Variants in GRM5 observed in about 807,000 individuals in gnomAD.
GRM5 encodes glutamate metabotropic receptor 5, also known as metabotropic glutamate receptor 5.
GRM5 carries 19 observed loss-of-function variants against 83.1 expected under a neutral mutation model. That is an observed-to-expected ratio of 0.23 (90% CI 0.16 to 0.34). The LOEUF is 0.34. Among genes scored for constraint, GRM5 ranks in the 10% least tolerant of loss-of-function variants. The probability of loss-of-function intolerance (pLI) is 1.00; values close to 1 mark genes in which losing one functional copy is unlikely to be tolerated. For missense variants in GRM5, 1,160 were observed against 1,588.3 expected (o/e 0.73, Z 4.58); for synonymous variants, 675 against 633.6 (o/e 1.07, Z -0.98).
chr11:88,861,266 C>T (rs1402960818), intron 2 of GRM5, among the ~76,000 whole-genome samples: 1 of 152,074 alleles, frequency 6.6e-6, no homozygotes, highest in African/African-American at 2.4e-5. Flanking sequence ...AGTCTCACTG[C>T]CTGCCTTTTC....
chr11:89,028,052 G>T (rs978010016), intron 2 of GRM5, among the ~76,000 whole-genome samples: 53 of 152,118 alleles, frequency 3.5e-4, no homozygotes, highest in African/African-American at 1.2e-3. Flanking sequence ...AGCATTCAAG[G>T]CACTATCTTA....
chr11:88,596,417 T>A (rs1565353432), intron 6 of GRM5, among the ~76,000 whole-genome samples: 1 of 152,190 alleles, frequency 6.6e-6, no homozygotes. Context: ...GACTCCAGTT[T>A]AATAAAAATT....
At chr11:88,748,868 T>C (rs1942200290) in intron 3 of GRM5, among the ~76,000 whole-genome samples, 1 of 152,060 alleles carries the variant, frequency 6.6e-6, no homozygotes, top group Non-Finnish European at 1.5e-5. Flanking sequence ...AGTGGCCTGA[T>C]TGTTAAAAAC....
At chr11:88,528,018 T>C (rs308899) in intron 8 of GRM5, among the ~76,000 whole-genome samples, 107,554 of 151,736 alleles carry the variant, frequency 0.71, 38,327 homozygotes, top group African/African-American at 0.78. Flanking sequence ...ATAATCTGCA[T>C]ATTATACCCC....
chr11:88,623,241 A>G (rs896182665), intron 4 of GRM5, among the ~76,000 whole-genome samples: 2 of 151,924 alleles, frequency 1.3e-5, no homozygotes, highest in Admixed American at 6.6e-5. Flanking sequence ...GCCCACCACC[A>G]TGCCCGGCTA....
chr11:88,922,395 A>G (rs756779243), intron 2 of GRM5, among the ~76,000 whole-genome samples: 2 of 152,200 alleles, frequency 1.3e-5, no homozygotes, highest in Non-Finnish European at 2.9e-5. Context: ...AGACCAATGT[A>G]ACAAAATAGA....
At chr11:88,543,990 C>T (rs1942334212) in intron 8 of GRM5, among the ~76,000 whole-genome samples, 2 of 152,056 alleles carry the variant, frequency 1.3e-5, no homozygotes, top group Admixed American at 1.3e-4. Flanking sequence ...ATGTTGTTAT[C>T]ATGGGAGTGG....
intron 3 of GRM5, among the ~76,000 whole-genome samples, chr11:88,739,142 A>G (rs371542859): frequency 1.3e-5 from 2 of 152,190 alleles, no homozygotes; most frequent in East Asian, 3.9e-4. Context: ...TATAAATCCT[A>G]TGTTTGCTTT....
chr11:88,946,632 C>T (rs979730909), intron 2 of GRM5, among the ~76,000 whole-genome samples: 7 of 152,002 alleles, frequency 4.6e-5, no homozygotes, highest in Non-Finnish European at 1.0e-4. Context: ...ACTGACATAA[C>T]GATGGCGATA....
At chr11:88,541,440 A>G (rs546984461) in intron 8 of GRM5, among the ~76,000 whole-genome samples, 1 of 152,340 alleles carries the variant, frequency 6.6e-6, no homozygotes, top group African/African-American at 2.4e-5. Flanking sequence ...ATAAATATAT[A>G]GACACAGATA....
At chr11:88,645,781 T>C (rs1346207381) in intron 4 of GRM5, among the ~76,000 whole-genome samples, 1 of 152,012 alleles carries the variant, frequency 6.6e-6, no homozygotes, top group Admixed American at 6.6e-5. Flanking sequence ...CTGAAAACAG[T>C]AGAACAGAGA....
intron 2 of GRM5, among the ~76,000 whole-genome samples, chr11:88,931,683 G>C (rs962414692): frequency 2.6e-5 from 4 of 151,994 alleles, no homozygotes; most frequent in African/African-American, 9.7e-5. Flanking sequence ...CCTTTGTACC[G>C]GCTCTATATC....
chr11:88,713,824 AT>A (rs1301857303), intron 3 of GRM5, among the ~76,000 whole-genome samples: 20 of 152,038 alleles, frequency 1.3e-4, no homozygotes, highest in Admixed American at 3.3e-4. Context: ...AAAGAAAAAA[AT>A]ATTCCAATTA....
intron 2 of GRM5, among the ~76,000 whole-genome samples, chr11:89,044,087 T>C (rs1278258843): frequency 6.6e-6 from 1 of 152,168 alleles, no homozygotes; most frequent in East Asian, 1.9e-4. Context: ...CCATCAATCC[T>C]GTGTCATCGT....
At chr11:88,725,935 CAG>C (rs938417209) in intron 3 of GRM5, among the ~76,000 whole-genome samples, 1 of 152,114 alleles carries the variant, frequency 6.6e-6, no homozygotes, top group Non-Finnish European at 1.5e-5. Flanking sequence ...GAGAAAAAAA[CAG>C]TGCAAAAAGG....
intron 3 of GRM5, among the ~76,000 whole-genome samples, chr11:88,696,058 T>C (rs1029071909): frequency 5.3e-5 from 8 of 152,094 alleles, no homozygotes; most frequent in Non-Finnish European, 1.2e-4. Flanking sequence ...AAAAATTGGG[T>C]CACACTTGGG....
chr11:88,998,683 C>A (rs1430573089), intron 2 of GRM5, among the ~76,000 whole-genome samples: 2 of 152,112 alleles, frequency 1.3e-5, no homozygotes, highest in East Asian at 1.9e-4. Context: ...AATAGATAAT[C>A]CCAAGGAATC....
intron 4 of GRM5, among the ~76,000 whole-genome samples, chr11:88,639,211 C>T (rs1024387233): frequency 3.9e-5 from 6 of 152,022 alleles, no homozygotes; most frequent in South Asian, 2.1e-4. Context: ...GGTTCTGTCC[C>T]GGGTCATGCG....
At chr11:88,845,671 G>T (rs1944292354) in intron 3 of GRM5, among the ~76,000 whole-genome samples, 2 of 151,086 alleles carry the variant, frequency 1.3e-5, no homozygotes, top group East Asian at 3.9e-4. Context: ...CTGACTTCAT[G>T]ATCCACCCGC....
Sources: allele counts gnomAD v4.1 joint callset (sites outside exome capture counted in the v4.1 genomes callset), GRCh38; gene constraint gnomAD v4.1.1; transcripts MANE v1.5; gene names NCBI Gene and HGNC (gene_info 2026-07-23, HGNC 2026-07-21).